The following BCAR3 variants were observed in gnomAD, a reference collection of about 807,000 sequenced individuals.
BCAR3 encodes BCAR3 adaptor protein, NSP family member.
Under a neutral mutation model 80.1 loss-of-function variants are expected in BCAR3, and 37 were observed. That is an observed-to-expected ratio of 0.46 (90% CI 0.36 to 0.61). BCAR3 has a LOEUF of 0.61. BCAR3 is among the 20% of genes least tolerant of loss of function. The pLI, the probability that BCAR3 is intolerant of heterozygous loss-of-function variation, is 0.00. For synonymous variants in BCAR3, 389 were observed against 418.9 expected, an observed-to-expected ratio of 0.93 and a Z score of 0.87; for missense variants, 978 against 1,068.2, an observed-to-expected ratio of 0.92 and a Z score of 1.18.
At chr1:93,718,916 G>T (rs1650285551) in intron 2 of BCAR3, among the ~76,000 whole-genome samples, 2 of 151,252 alleles carry the variant, frequency 1.3e-5, no homozygotes, top group South Asian at 4.2e-4. Flanking sequence ...TGCCCAAGCT[G>T]GTTTTGAACT....
chr1:93,827,950 C>T (rs1654427591), intron 2 of BCAR3, among the ~76,000 whole-genome samples: 1 of 152,122 alleles, frequency 6.6e-6, no homozygotes, highest in Non-Finnish European at 1.5e-5. Context: ...GTCTCTTGCC[C>T]CTCATTCTTC....
intron 2 of BCAR3, among the ~76,000 whole-genome samples, chr1:93,812,653 C>T (rs1653887883): frequency 6.6e-6 from 1 of 152,192 alleles, no homozygotes; most frequent in Non-Finnish European, 1.5e-5. Flanking sequence ...CCCTACTGCC[C>T]AGCTAGAGGC....
At chr1:93,629,502 T>C (rs1043491602) in intron 3 of BCAR3, among the ~76,000 whole-genome samples, 2 of 152,246 alleles carry the variant, frequency 1.3e-5, no homozygotes, top group African/African-American at 4.8e-5. Flanking sequence ...TCCTTGACAA[T>C]TTAAATCTGC....
intron 2 of BCAR3, among the ~76,000 whole-genome samples, chr1:93,786,664 C>A (rs1453746720): frequency 6.6e-6 from 1 of 152,146 alleles, no homozygotes; most frequent in Admixed American, 6.5e-5. Context: ...AAGATCAATT[C>A]AGAACCTCCA....
intron 2 of BCAR3, among the ~76,000 whole-genome samples, chr1:93,658,901 C>T (rs1571016251): frequency 6.6e-6 from 1 of 152,078 alleles, no homozygotes; most frequent in African/African-American, 2.4e-5. Flanking sequence ...GCAGTGGGGC[C>T]CATGAGGAAC....
rs765579769 is a variant in BCAR3 at position 93,576,044 on chromosome 1, C to G, written c.1772G>C (p.Gly591Ala). The G allele has an allele frequency of 6.2e-7, 1 of 1,614,146 alleles. No individual in the cohort carries two copies. The highest frequency in any genetic ancestry group is 1.1e-5 in the South Asian group (1 of 91,070). ...SGLELITLPH[G>A]HQLRLDIIER... Reference sequence around the variant, plus strand: ...AATTATGTCCAGGCGCAGCTGGTGTCCGTGAGGCAAGGTAATGAGTTCCAG... The same window carrying G: ...AATTATGTCCAGGCGCAGCTGGTGTGCGTGAGGCAAGGTAATGAGTTCCAG... The change falls in exon 8 of 12, where the codon GGA becomes GCA. Residue 591 changes from glycine to alanine, a missense_variant. Transcript: ENST00000260502.
intron 3 of BCAR3, among the ~76,000 whole-genome samples, chr1:93,623,934 G>A (rs1050873171): frequency 6.6e-6 from 1 of 152,200 alleles, no homozygotes; most frequent in Non-Finnish European, 1.5e-5. Context: ...ACACTCATGT[G>A]TCAGCAATGA....
At chr1:93,811,903 A>G (rs1479237548) in intron 2 of BCAR3, among the ~76,000 whole-genome samples, 1 of 152,188 alleles carries the variant, frequency 6.6e-6, no homozygotes, top group African/African-American at 2.4e-5. Context: ...GGCCATTATG[A>G]GAGAATTTTA....
At chr1:93,581,023 G>A (rs1289004495) in intron 7 of BCAR3, among the ~76,000 whole-genome samples, 1 of 152,178 alleles carries the variant, frequency 6.6e-6, no homozygotes, top group Non-Finnish European at 1.5e-5. Flanking sequence ...TTAGCCAGGT[G>A]TGGTGGCATG....
chr1:93,658,472 C>A (rs1647493272), intron 2 of BCAR3, among the ~76,000 whole-genome samples: 1 of 151,660 alleles, frequency 6.6e-6, no homozygotes. Context: ...CATGGTGAGA[C>A]CCCGTCTCTA....
At chr1:93,566,215 C>T (rs1055625472) in intron 11 of BCAR3, among the ~76,000 whole-genome samples, 5 of 152,060 alleles carry the variant, frequency 3.3e-5, no homozygotes, top group African/African-American at 1.2e-4. Flanking sequence ...CCAGTTTTCC[C>T]CAAGGTCTCT....
intron 2 of BCAR3, among the ~76,000 whole-genome samples, chr1:93,654,454 T>A (rs1188302496): frequency 6.6e-6 from 1 of 151,984 alleles, no homozygotes; most frequent in Non-Finnish European, 1.5e-5. Context: ...ATTCTGCCAA[T>A]AACCTGAATG....
At chr1:93,658,191 G>A (rs1281499687) in intron 2 of BCAR3, among the ~76,000 whole-genome samples, 9 of 151,870 alleles carry the variant, frequency 5.9e-5, no homozygotes, top group East Asian at 1.9e-4. Context: ...CGCCCGCCTC[G>A]GCCTCCCAAA....
chr1:93,605,512 A>G (rs1674748832), intron 3 of BCAR3: 1 of 152,272 alleles, frequency 6.6e-6, no homozygotes, highest in African/African-American at 2.4e-5. Context: ...ATCTTTAAAG[A>G]ATGAAAAGAA....
In BCAR3 at chr1:93,583,075, A is replaced by G; in HGVS notation, c.1034-122T>C. On this transcript the variant is annotated intron_variant, in intron 6 of 11. Transcript: ENST00000260502. ...CCCTTGGGCTTCAATTTTCATTTTC[A>G]TTTCCAAAAGAAAATTCAGTGTGAC... The G allele has an allele frequency of 1.8e-5, 22 of 1,195,210 alleles. 1 individual carries two copies. In the South Asian group the frequency reaches 3.5e-4, roughly 19 times the overall value. 74.0% of individuals were successfully genotyped at this position (1,195,210 alleles called of 1,614,324 possible). A position where few individuals can be genotyped will look rare whatever the true frequency, so the allele number is the denominator to read the frequency against.
At chr1:93,769,068 G>A (rs1652257368) in intron 2 of BCAR3, among the ~76,000 whole-genome samples, 1 of 152,192 alleles carries the variant, frequency 6.6e-6, no homozygotes, top group African/African-American at 2.4e-5. Context: ...GTTTTACAGG[G>A]TAAAGAGAGC....
intron 2 of BCAR3, among the ~76,000 whole-genome samples, chr1:93,672,907 CA>C (rs1648284072): frequency 6.6e-6 from 1 of 152,136 alleles, no homozygotes; most frequent in African/African-American, 2.4e-5. Flanking sequence ...AGCTTTGCAC[CA>C]ACACCAACAC....
intron 2 of BCAR3, among the ~76,000 whole-genome samples, chr1:93,745,484 G>A (rs1273191513): frequency 1.3e-5 from 2 of 152,068 alleles, no homozygotes; most frequent in Non-Finnish European, 2.9e-5. Flanking sequence ...TTAAAGGTGG[G>A]AGATCAAGAT....
chr1:93,614,088 A>G lies in BCAR3; in HGVS notation c.358-21695T>C. 6 of 1,423,516 alleles carry G rather than the reference A, an allele frequency of 4.2e-6. 1 individual carries two copies. Among genetic ancestry groups the G allele is most frequent in the Non-Finnish European group, 5.5e-6 (6 of 1,093,202 alleles). 88.2% of individuals were successfully genotyped at this position (1,423,516 alleles called of 1,614,324 possible). On this transcript the variant is annotated intron_variant, in intron 3 of 11. Transcript: ENST00000260502. ...GGGGAGTGAGTCGGCTCCTTCTCCC[A>G]GGCTAGTCTGGGACTTTTCCCCTCT...
Sources: gnomAD v4.1 joint callset for allele counts (sites outside exome capture counted in the v4.1 genomes callset) on GRCh38, gnomAD v4.1.1 for gene constraint, MANE v1.5 for transcripts, NCBI Gene and HGNC (gene_info 2026-07-23, HGNC 2026-07-21) for gene names.